The following STIMATE variants were observed in gnomAD, a reference collection of about 807,000 sequenced individuals.
STIMATE encodes the protein STIM activating enhancer, also known as store-operated calcium entry regulator STIMATE.
STIMATE carries 15 observed loss-of-function variants against 36.7 expected under a neutral mutation model. The observed-to-expected ratio is 0.41, with a 90% confidence interval of 0.27 to 0.63. The LOEUF is 0.63. Ranked by LOEUF, STIMATE falls within the 20% of genes least tolerant of loss-of-function variation. STIMATE has a pLI of 0.32. For synonymous variants in STIMATE, 163 were observed against 162.3 expected (o/e 1.00, Z -0.03); for missense variants, 305 against 397.3 (o/e 0.77, Z 1.98).
rs894109016 is a variant in STIMATE at position 52,852,516 on chromosome 3, G to A, written c.305+87C>T. 8 of 1,543,470 alleles carry A rather than the reference G, an allele frequency of 5.2e-6. No homozygotes were observed. The African/African-American group carries it at 1.1e-4, about 21-fold the overall frequency. On this transcript the variant is annotated intron_variant, in intron 3 of 7. Transcript: ENST00000355083. The stretch of plus-strand genomic sequence containing the variant: ...GAGCACCCTCTCCCCAAGCCAGAGG[G>A]AGCAGGACCAGCAGCAGAAAGCAAG...
Position 52,897,519 on chromosome 3 carries a change from C to CGCCAAACCCGCAGCCGGGAT in STIMATE, c.-89_-70dup. 12 of 1,186,472 alleles carry CGCCAAACCCGCAGCCGGGAT rather than the reference C, an allele frequency of 1.0e-5. No homozygotes were observed. The highest frequency in any genetic ancestry group is 1.3e-5 in the Non-Finnish European group (12 of 959,752). The allele number at this position is 1,186,472 out of a possible 1,614,324, so 73.5% of individuals were successfully genotyped here. ...GCCTCGCTGCCTGCCGGCGCAGCGC[C>CGCCAAACCCGCAGCCGGGAT]GCCAAACCCGCAGCCGGGATCCCAA... On this transcript the variant is annotated 5_prime_UTR_variant, in exon 1 of 8. Coordinates refer to ENST00000355083, the MANE Select transcript of STIMATE (RefSeq NM_198563.5).
intron 1 of STIMATE, among the ~76,000 whole-genome samples, chr3:52,884,521 C>T (rs932421980): frequency 7.2e-5 from 11 of 152,322 alleles, no homozygotes; most frequent in Admixed American, 5.9e-4. Context: ...GCTGGGATTA[C>T]AGGCGTGACC....
At chr3:52,893,455 T>C (rs1701814294) in intron 1 of STIMATE, among the ~76,000 whole-genome samples, 1 of 152,056 alleles carries the variant, frequency 6.6e-6, no homozygotes, top group East Asian at 1.9e-4. Flanking sequence ...AGACAGATGT[T>C]CAGTGTATTA....
At chr3:52,857,259 G>A (rs1701116338) in intron 1 of STIMATE, among the ~76,000 whole-genome samples, 1 of 152,186 alleles carries the variant, frequency 6.6e-6, no homozygotes, top group East Asian at 1.9e-4. Context: ...GTGAAGTTGT[G>A]AGGAGGTCTG....
intron 1 of STIMATE, among the ~76,000 whole-genome samples, chr3:52,880,033 T>C (rs915458784): frequency 2.6e-5 from 4 of 152,180 alleles, no homozygotes; most frequent in African/African-American, 7.2e-5. Flanking sequence ...AGAAAGAACA[T>C]AAATCAACCC....
chr3:52,884,246 GT>G (rs10716399), intron 1 of STIMATE, among the ~76,000 whole-genome samples: 59,186 of 128,122 alleles, frequency 0.46, 10,197 homozygotes, highest in Middle Eastern at 0.57. Flanking sequence ...CACCCAAAAA[GT>G]TTTTTTTTTT....
chr3:52,842,120 T>A (rs1465972420), intron 7 of STIMATE, among the ~76,000 whole-genome samples: 1 of 152,240 alleles, frequency 6.6e-6, no homozygotes, highest in Non-Finnish European at 1.5e-5. Context: ...CACCCACGTG[T>A]CTGACAGCCT....
In STIMATE at chr3:52,897,535, G is replaced by T. The variant is rs966835412; in HGVS notation, c.-85C>A. 1.7e-6 allele frequency: 2 copies of T among 1,179,362 alleles called. No individual in the cohort carries two copies. Among genetic ancestry groups the T allele is most frequent in the South Asian group, 4.3e-5 (1 of 23,434 alleles). The allele number at this position is 1,179,362 out of a possible 1,614,324, so 73.1% of individuals were successfully genotyped here. On this transcript the variant is annotated 5_prime_UTR_variant, in exon 1 of 8. Transcript: ENST00000355083. ...GCGCAGCGCCGCCAAACCCGCAGCC[G>T]GGATCCCAAGCCTGAGCCGGTACCT...
In STIMATE at chr3:52,837,392, A is replaced by C. The variant is rs186439163; in HGVS notation, c.*3102T>G. 6.6e-6 allele frequency: 1 copy of C among 152,306 alleles called. No homozygotes were observed. The highest frequency in any genetic ancestry group is 1.5e-5 in the Non-Finnish European group (1 of 68,090). The allele number at this position is 152,306 out of a possible 1,614,324, so 9.4% of individuals were successfully genotyped here. ...GAGGCATGACAGGTGACATTAACCC[A>C]TGACTCCCTGTTGCCAGGGAGGGCA... On this transcript the variant is annotated 3_prime_UTR_variant, in exon 8 of 8. Transcript: ENST00000355083.
chr3:52,867,255 C>G (rs1419712943), intron 1 of STIMATE, among the ~76,000 whole-genome samples: 3 of 152,190 alleles, frequency 2.0e-5, no homozygotes, highest in Admixed American at 2.0e-4. Context: ...AACCTTAAAG[C>G]AGGAGGATCA....
intron 1 of STIMATE, among the ~76,000 whole-genome samples, chr3:52,874,618 T>G (rs1042744779): frequency 2.0e-5 from 3 of 152,138 alleles, no homozygotes; most frequent in African/African-American, 7.2e-5. Context: ...CTCAGCACTT[T>G]GGGAGGCTGA....
chr3:52,881,887 T>C (rs1031532976), intron 1 of STIMATE, among the ~76,000 whole-genome samples: 1 of 152,266 alleles, frequency 6.6e-6, no homozygotes, highest in Non-Finnish European at 1.5e-5. Flanking sequence ...TCTACCTTCC[T>C]AAGCAGGCTA....
intron 1 of STIMATE, among the ~76,000 whole-genome samples, chr3:52,858,625 GA>G (rs1177832163): frequency 6.6e-6 from 1 of 151,942 alleles, no homozygotes; most frequent in African/African-American, 2.4e-5. Context: ...AAAATTTAAA[GA>G]AACAAAAAAC....
At chr3:52,845,629 T>C (rs1167143546) in intron 4 of STIMATE, among the ~76,000 whole-genome samples, 1 of 152,230 alleles carries the variant, frequency 6.6e-6, no homozygotes, top group Non-Finnish European at 1.5e-5. Context: ...AAGGTCCATC[T>C]GGGACCCCTT....
intron 6 of STIMATE, 121 bp from the exon 7 acceptor site, chr3:52,843,081 C>T: frequency 6.7e-7 from 1 of 1,484,810 alleles, no homozygotes; most frequent in Non-Finnish European, 9.0e-7. Context: ...GAAAGAAAAA[C>T]CCAATCCAAT....
intron 1 of STIMATE, among the ~76,000 whole-genome samples, chr3:52,864,200 T>TGCCTGGGCATCCAGATATTTCC (rs1701264808): frequency 6.6e-6 from 1 of 152,254 alleles, no homozygotes; most frequent in Admixed American, 6.5e-5. Context: ...AGCAAACTTC[T>TGCCTGGGCATCCAGATATTTCC]GCCTGGGCAT....
chr3:52,843,595 G>T, intron 6 of STIMATE, 126 bp downstream of exon 6: 1 of 1,392,244 alleles, frequency 7.2e-7, no homozygotes, highest in Non-Finnish European at 9.9e-7. Context: ...GGGTGGGAGA[G>T]GTGGCAAATG....
At chr3:52,891,766 C>T (rs1447242616) in intron 1 of STIMATE, among the ~76,000 whole-genome samples, 2 of 152,016 alleles carry the variant, frequency 1.3e-5, no homozygotes, top group African/African-American at 4.8e-5. Flanking sequence ...AATGTTTAAC[C>T]TAATTCAGAA....
intron 1 of STIMATE, among the ~76,000 whole-genome samples, chr3:52,896,241 C>A (rs1458223026): frequency 6.6e-6 from 1 of 152,158 alleles, no homozygotes; most frequent in East Asian, 1.9e-4. Flanking sequence ...TCCTGAGTAC[C>A]CCAAAGCATA....
Sources: gnomAD v4.1 joint callset for allele counts (sites outside exome capture counted in the v4.1 genomes callset) on GRCh38, gnomAD v4.1.1 for gene constraint, MANE v1.5 for transcripts, NCBI Gene and HGNC (gene_info 2026-07-23, HGNC 2026-07-21) for gene names.